RNF220: variants seen among roughly 807,000 people sequenced by gnomAD.
RNF220 encodes E3 ubiquitin-protein ligase RNF220.
In RNF220, 7 loss-of-function variants were observed where a neutral mutation model predicts 67.1. The ratio of observed to expected loss-of-function variants is 0.10; its 90% CI spans 0.06 to 0.20. The LOEUF (loss-of-function observed/expected upper bound fraction) is 0.20, where lower values mean the gene tolerates loss of function less well. Ranked by LOEUF, RNF220 falls within the 10% of genes least tolerant of loss-of-function variation. The probability of loss-of-function intolerance (pLI) is 1.00; values close to 1 mark genes in which losing one functional copy is unlikely to be tolerated. For synonymous variants in RNF220, 270 were observed against 283.2 expected (o/e 0.95, Z 0.47); for missense variants, 565 against 740.3 (o/e 0.76, Z 2.75).
Position 44,555,882 on chromosome 1 carries a change from A to C in RNF220, c.626-58283A>C, listed in dbSNP as rs1572869990. Among the ~76,000 whole-genome samples the C allele has an allele frequency of 1.3e-5, 2 of 150,634 alleles. 1 individual carries two copies. Among genetic ancestry groups the C allele is most frequent in the East Asian group, 4.0e-4 (2 of 5,004 alleles). On this transcript the variant is annotated intron_variant, in intron 2 of 14. Coordinates refer to ENST00000361799, the MANE Select transcript of RNF220 (RefSeq NM_018150.4). The stretch of plus-strand genomic sequence containing the variant: ...CCTGTTGAACTCCTACTAATCTTTC[A>C]AGACCCAGCTAAAGTGATACACCCT...
At chr1:44,511,301 G>A (rs1439084113) in intron 2 of RNF220, among the ~76,000 whole-genome samples, 3 of 152,136 alleles carry the variant, frequency 2.0e-5, no homozygotes, top group Admixed American at 6.5e-5. Flanking sequence ...CCGGGCCTGC[G>A]GGCAAGAAGT....
chr1:44,607,105 C>G (rs1367778180), intron 2 of RNF220, among the ~76,000 whole-genome samples: 1 of 152,178 alleles, frequency 6.6e-6, no homozygotes, highest in East Asian at 1.9e-4. Flanking sequence ...AATCCATCTG[C>G]CTCTGTTCAT....
rs1383558988 is a variant in RNF220, at chr1:44,644,731, A to C, written c.1160A>C (p.Asn387Thr). ...SGFIMCSGKENPDSDADLDVD... is the reference protein window; with the variant it reads ...SGFIMCSGKETPDSDADLDVD... ...TTCATCATGTGCAGCGGCAAAGAGA[A>C]CCCGGACAGTGATGCTGACTTGGAT... The change falls in exon 9 of 15, where the codon AAC becomes ACC. Residue 387 changes from asparagine (N) to threonine (T), a missense_variant. Transcript: ENST00000361799. 1 of 1,614,124 alleles carries C rather than the reference A, an allele frequency of 6.2e-7. No homozygotes were observed. The highest frequency in any genetic ancestry group is 8.5e-7 in the Non-Finnish European group (1 of 1,180,006).
At chr1:44,418,424 C>T (rs549281524) in intron 2 of RNF220, among the ~76,000 whole-genome samples, 2 of 152,100 alleles carry the variant, frequency 1.3e-5, no homozygotes, top group Non-Finnish European at 2.9e-5. Context: ...AAAAATGTTC[C>T]GGGGAATGTT....
At chr1:44,581,145 T>C (rs1558062688) in intron 2 of RNF220, among the ~76,000 whole-genome samples, 1 of 152,230 alleles carries the variant, frequency 6.6e-6, no homozygotes, top group Non-Finnish European at 1.5e-5. Context: ...ACATCTTCAT[T>C]AGGATTTTCC....
chr1:44,644,731 A>G lies in RNF220; in HGVS notation c.1160A>G (p.Asn387Ser). 1.2e-6 allele frequency: 2 copies of G among 1,614,124 alleles called. No individual in the cohort carries two copies. The highest frequency in any genetic ancestry group is 2.2e-5 in the South Asian group (2 of 91,080). Residue 387 changes from asparagine to serine, a missense_variant, in exon 9 of 15, where the codon AAC (asparagine) becomes AGC (serine). Transcript: ENST00000361799. ...SGFIMCSGKE[N>S]PDSDADLDVD... The stretch of plus-strand genomic sequence containing the variant: ...TTCATCATGTGCAGCGGCAAAGAGA[A>G]CCCGGACAGTGATGCTGACTTGGAT...
chr1:44,539,495 C>T (rs1661512491), intron 2 of RNF220, among the ~76,000 whole-genome samples: 1 of 152,184 alleles, frequency 6.6e-6, no homozygotes, highest in Non-Finnish European at 1.5e-5. Context: ...CAAGGATTCA[C>T]GTAGCCTGGA....
At position 44,412,452 on chromosome 1, in the gene RNF220, G is replaced by T; in HGVS notation, c.355G>T (p.Ala119Ser). 2 of 1,611,536 alleles carry T rather than the reference G, an allele frequency of 1.2e-6. No homozygotes were observed. Among genetic ancestry groups the T allele is most frequent in the Non-Finnish European group, 1.7e-6 (2 of 1,177,920 alleles). Reference sequence around the variant, plus strand: ...TATGCTGAATCATAGTGGTGTGGGGGCTTTCCGGCCCTTTGCCTCCACCGA... The same window carrying T: ...TATGCTGAATCATAGTGGTGTGGGGTCTTTCCGGCCCTTTGCCTCCACCGA... ...ISMLNHSGVG[A>S]FRPFASTEDR... Residue 119 changes from alanine (A) to serine (S), a missense_variant, in exon 2 of 15, where the codon GCT becomes TCT. Physicochemically the swap from Ala to Ser is moderately conservative, Grantham distance 99. Transcript: ENST00000361799. This position sits in a 1 kb window ranked among gnomAD's most constrained non-coding sequence, Gnocchi z 5.3.
At chr1:44,544,452 G>C (rs932731892) in intron 2 of RNF220, among the ~76,000 whole-genome samples, 1 of 152,220 alleles carries the variant, frequency 6.6e-6, no homozygotes, top group Non-Finnish European at 1.5e-5. Context: ...CCAGCACGAG[G>C]TTTTAATGAG....
chr1:44,565,917 TC>T lies in RNF220; in HGVS notation c.626-48244del, dbSNP rs1188376927. Among the ~76,000 whole-genome samples the T allele has an allele frequency of 2.0e-5, 3 of 152,056 alleles. No individual in the cohort carries two copies. The highest frequency in any genetic ancestry group is 7.2e-5 in the African/African-American group (3 of 41,402). Reference sequence around the variant, plus strand: ...GCTGGCCCCCACTGCTGCTTCTCACTCCCCACCTCAGCCTCTCGCCCTCCCT... The same window carrying T: ...GCTGGCCCCCACTGCTGCTTCTCACTCCCACCTCAGCCTCTCGCCCTCCCT... On this transcript the variant is annotated intron_variant, in intron 2 of 14. Transcript: ENST00000361799. This position sits in a 1 kb window ranked among gnomAD's most constrained non-coding sequence, Gnocchi z 4.2.
chr1:44,484,488 G>A (rs1203891247), intron 2 of RNF220, among the ~76,000 whole-genome samples: 1 of 152,036 alleles, frequency 6.6e-6, no homozygotes, highest in East Asian at 1.9e-4. Flanking sequence ...TGAGTACGAA[G>A]GCAACAGCCA....
At chr1:44,569,305 T>C (rs1164176356) in intron 2 of RNF220, among the ~76,000 whole-genome samples, 2 of 152,188 alleles carry the variant, frequency 1.3e-5, no homozygotes, top group African/African-American at 4.8e-5. Context: ...TCATTCATAA[T>C]TTATACCCTC....
chr1:44,503,298 C>T (rs573588284), intron 2 of RNF220, among the ~76,000 whole-genome samples: 6 of 143,818 alleles, frequency 4.2e-5, no homozygotes, highest in Non-Finnish European at 6.0e-5. Flanking sequence ...TGCGCTACTG[C>T]ACTCCAGCCT....
intron 2 of RNF220, among the ~76,000 whole-genome samples, chr1:44,549,671 T>C (rs1406676381): frequency 2.6e-5 from 4 of 152,092 alleles, no homozygotes; most frequent in Non-Finnish European, 4.4e-5. Flanking sequence ...ACTGGGGGAC[T>C]CCAGTGTGAC....
chr1:44,546,668 A>G (rs1662181979), intron 2 of RNF220, among the ~76,000 whole-genome samples: 1 of 152,168 alleles, frequency 6.6e-6, no homozygotes, highest in Non-Finnish European at 1.5e-5. Context: ...CTTCAGAGTC[A>G]TTGATGCACC....
At chr1:44,420,460 T>C (rs116667841) in intron 2 of RNF220, among the ~76,000 whole-genome samples, 203 of 152,340 alleles carry the variant, frequency 1.3e-3, no homozygotes, top group African/African-American at 4.6e-3. Context: ...TTCAGGTATA[T>C]GATTCCCATT....
At chr1:44,423,462 G>T (rs1385967565) in intron 2 of RNF220, among the ~76,000 whole-genome samples, 2 of 152,040 alleles carry the variant, frequency 1.3e-5, no homozygotes, top group African/African-American at 2.4e-5. Flanking sequence ...CATCATCTAG[G>T]GTCCTGCTTT....
chr1:44,632,400 G>GGCCCCCCCCCCCCCC lies in RNF220; in HGVS notation c.949+15_949+16insGCCCCCCCCCCCCCC. On this transcript the variant is annotated intron_variant, in intron 6 of 14. Transcript: ENST00000361799. ...CCGACTGAATGGTGAGTCCTGCCCG[G>GGCCCCCCCCCCCCCC]CCCCTCCCTCCGCCCCACCCCCGGC... 1.2e-6 allele frequency: 2 copies of GGCCCCCCCCCCCCCC among 1,607,452 alleles called. No individual in the cohort carries two copies.
intron 7 of RNF220, 140 bp downstream of exon 7, chr1:44,635,728 A>G (rs1164380678): frequency 6.6e-7 from 1 of 1,507,998 alleles, no homozygotes; most frequent in African/African-American, 1.4e-5. Context: ...CTAGCTGCTG[A>G]CTGCCCCTGA....
Sources: allele counts gnomAD v4.1 joint callset (sites outside exome capture counted in the v4.1 genomes callset), GRCh38; gene constraint gnomAD v4.1.1; non-coding constraint Gnocchi (gnomAD v3.1); transcripts MANE v1.5; gene names NCBI Gene and HGNC (gene_info 2026-07-23, HGNC 2026-07-21).